Variants in SORCS2 observed in about 807,000 individuals in gnomAD.
SORCS2 encodes the protein VPS10 domain-containing receptor SorCS2.
In SORCS2, 100 loss-of-function variants were observed where a neutral mutation model predicts 141.6. The observed-to-expected ratio is 0.71, with a 90% CI of 0.60 to 0.83. SORCS2 has a LOEUF of 0.83. SORCS2 is among the 40% of genes least tolerant of loss of function. The probability of loss-of-function intolerance (pLI) is 0.00; values close to 1 mark genes in which losing one functional copy is unlikely to be tolerated. For synonymous variants in SORCS2, 789 were observed against 676.9 expected (o/e 1.17, Z -2.57); for missense variants, 1,646 against 1,560.2 (o/e 1.05, Z -0.93).
intron 1 of SORCS2, among the ~76,000 whole-genome samples, chr4:7,206,954 G>A (rs777307983): frequency 2.4e-4 from 37 of 152,150 alleles, no homozygotes; most frequent in Middle Eastern, 3.2e-3. Context: ...AGCAGGATTC[G>A]AGAAACCTGG....
chr4:7,384,064 C>T (rs1191335622), intron 1 of SORCS2, among the ~76,000 whole-genome samples: 4 of 152,210 alleles, frequency 2.6e-5, no homozygotes, highest in Non-Finnish European at 4.4e-5. Flanking sequence ...CACTGGGTTT[C>T]GTGCCTGTGA....
intron 3 of SORCS2, among the ~76,000 whole-genome samples, chr4:7,618,870 C>T (rs1718944772): frequency 2.0e-5 from 3 of 152,048 alleles, no homozygotes; most frequent in Admixed American, 6.6e-5. Flanking sequence ...ACACACACAC[C>T]ACCGTCCTGG....
rs552107978 is a variant in SORCS2 at position 7,689,458 on chromosome 4, A to T, written c.1489-28A>T. ...TAAGGATGCTCCTACTCATGTGTTG[A>T]CAGTTGCGTCCTTTCTCTTCCTTGC... On this transcript the variant is annotated intron_variant, in intron 10 of 26. Coordinates refer to ENST00000507866, the MANE Select transcript of SORCS2 (RefSeq NM_020777.3). 6.4e-6 allele frequency: 10 copies of T among 1,561,604 alleles called. No individual in the cohort carries two copies. In the East Asian group the frequency reaches 2.4e-4, roughly 37 times the overall value.
chr4:7,295,480 G>A lies in SORCS2; in HGVS notation c.481-100808G>A, dbSNP rs1056519349. ...GGCAATAGGGTGGGGAGATGGGGCC[G>A]GCAGTGGAGCCTGGCCGTTGGCTCG... On this transcript the variant is annotated intron_variant, in intron 1 of 26. Transcript: ENST00000507866. Among the ~76,000 whole-genome samples, 18 of 152,184 alleles carry A rather than the reference G, an allele frequency of 1.2e-4. No homozygotes were observed. In the South Asian group the frequency reaches 1.2e-3, roughly 11 times the overall value.
At chr4:7,228,933 C>T (rs1711603906) in intron 1 of SORCS2, among the ~76,000 whole-genome samples, 2 of 152,226 alleles carry the variant, frequency 1.3e-5, no homozygotes, top group South Asian at 4.1e-4. Context: ...CTGGCCAGTC[C>T]AGGGCTGGAA....
At chr4:7,253,104 G>A (rs1323206524) in intron 1 of SORCS2, among the ~76,000 whole-genome samples, 1 of 152,262 alleles carries the variant, frequency 6.6e-6, no homozygotes, top group Non-Finnish European at 1.5e-5. Flanking sequence ...GAGGCACCTG[G>A]AGGATCAAGG....
At chr4:7,649,418 G>A (rs557512244) in intron 4 of SORCS2, among the ~76,000 whole-genome samples, 5 of 152,222 alleles carry the variant, frequency 3.3e-5, no homozygotes, top group Admixed American at 3.3e-4. Context: ...CTCCTGGAAG[G>A]TCTGCGTGGA....
chr4:7,407,644 C>A (rs1725053791), intron 2 of SORCS2, among the ~76,000 whole-genome samples: 2 of 152,064 alleles, frequency 1.3e-5, no homozygotes, highest in Non-Finnish European at 1.5e-5. Flanking sequence ...CCACTCTATA[C>A]CTTTTCATTG....
chr4:7,288,163 C>T (rs997211129), intron 1 of SORCS2, among the ~76,000 whole-genome samples: 5 of 152,174 alleles, frequency 3.3e-5, no homozygotes, highest in Non-Finnish European at 7.3e-5. Flanking sequence ...ATCTGTGGGA[C>T]GTGCGGTGGC....
At chr4:7,446,611 G>A (rs1334236010) in intron 2 of SORCS2, among the ~76,000 whole-genome samples, 1 of 152,170 alleles carries the variant, frequency 6.6e-6, no homozygotes, top group Admixed American at 6.5e-5. Flanking sequence ...ATGACCCTGA[G>A]CAGCCTTGTT....
In SORCS2 at chr4:7,703,153, C is replaced by A. The variant is rs918528859; in HGVS notation, c.1669-127C>A. ...CCGGGACATGCAGGGAACCCTCAGACCGGCCTTGGCCTCTGCCAACAACCC... is the reference window on the plus strand; with the variant it reads ...CCGGGACATGCAGGGAACCCTCAGAACGGCCTTGGCCTCTGCCAACAACCC... On this transcript the variant is annotated intron_variant, in intron 12 of 26. Coordinates refer to ENST00000507866, the MANE Select transcript of SORCS2 (RefSeq NM_020777.3). 6 of 687,908 alleles carry A rather than the reference C, an allele frequency of 8.7e-6. No individual in the cohort carries two copies. The Admixed American group carries it at 1.9e-4, about 22-fold the overall frequency. 42.6% of individuals were successfully genotyped at this position (687,908 alleles called of 1,614,324 possible). A position where few individuals can be genotyped will look rare whatever the true frequency, so the allele number is the denominator to read the frequency against.
chr4:7,458,955 ACTGGGCTTGGGC>A (rs1230860738), intron 2 of SORCS2, among the ~76,000 whole-genome samples: 2 of 152,080 alleles, frequency 1.3e-5, no homozygotes, highest in Non-Finnish European at 2.9e-5. Flanking sequence ...GGCTGCGGGG[ACTGGGCTTGGGC>A]CTGGTGGAGT....
intron 1 of SORCS2, among the ~76,000 whole-genome samples, chr4:7,253,501 G>A (rs1349139865): frequency 2.6e-5 from 4 of 152,234 alleles, no homozygotes; most frequent in African/African-American, 4.8e-5. Context: ...AGGGGTGCAC[G>A]AGGACCCCTC....
intron 1 of SORCS2, among the ~76,000 whole-genome samples, chr4:7,318,913 A>T (rs1718725264): frequency 6.6e-6 from 1 of 152,188 alleles, no homozygotes; most frequent in South Asian, 2.1e-4. Context: ...TTAATCTCTG[A>T]CAACTACCGA....
intron 2 of SORCS2, among the ~76,000 whole-genome samples, chr4:7,503,028 G>A (rs1005348983): frequency 2.6e-5 from 4 of 152,186 alleles, no homozygotes; most frequent in African/African-American, 7.2e-5. Flanking sequence ...TTAACCAGCC[G>A]AGCAGAGAGG....
At chr4:7,611,336 G>A (rs1239055428) in intron 3 of SORCS2, among the ~76,000 whole-genome samples, 3 of 152,174 alleles carry the variant, frequency 2.0e-5, no homozygotes, top group Non-Finnish European at 4.4e-5. Context: ...CTCAAGTCCT[G>A]GCTGAGATGA....
At chr4:7,383,157 C>T (rs977013662) in intron 1 of SORCS2, among the ~76,000 whole-genome samples, 2 of 152,094 alleles carry the variant, frequency 1.3e-5, no homozygotes, top group African/African-American at 2.4e-5. Flanking sequence ...CAGCAGCTTT[C>T]TTGAGAAGAT....
At chr4:7,726,246 A>G (rs1211569163) in intron 20 of SORCS2, among the ~76,000 whole-genome samples, 1 of 152,198 alleles carries the variant, frequency 6.6e-6, no homozygotes, top group African/African-American at 2.4e-5. Context: ...CCCGGCAGCC[A>G]CATCAGGCCT....
At chr4:7,206,294 TC>T (rs1386407616) in intron 1 of SORCS2, among the ~76,000 whole-genome samples, 1 of 152,042 alleles carries the variant, frequency 6.6e-6, no homozygotes, top group Non-Finnish European at 1.5e-5. Context: ...TCCCTGTTGC[TC>T]CCCAAGCGCC....
Sources: gnomAD v4.1 joint callset for allele counts (sites outside exome capture counted in the v4.1 genomes callset) on GRCh38, gnomAD v4.1.1 for gene constraint, MANE v1.5 for transcripts, NCBI Gene and HGNC (gene_info 2026-07-23, HGNC 2026-07-21) for gene names.